The following ARHGEF26 variants were observed in gnomAD, a reference collection of about 807,000 sequenced individuals.
The protein encoded by ARHGEF26 is Rho guanine nucleotide exchange factor (GEF) 26.
A neutral mutation model predicts 89.4 loss-of-function variants in ARHGEF26; 59 were observed. That is an observed-to-expected ratio of 0.66 (90% CI 0.54 to 0.82). The LOEUF is 0.82. ARHGEF26 is among the 40% of genes least tolerant of loss of function. The pLI is 0.00. For synonymous variants in ARHGEF26, 500 were observed against 428.4 expected (o/e 1.17, Z -2.06); for missense variants, 1,234 against 1,085.6 (o/e 1.14, Z -1.92).
chr3:154,121,992 T>C lies in ARHGEF26; in HGVS notation c.-1T>C, dbSNP rs780524621. The C allele has an allele frequency of 1.8e-5, 29 of 1,588,732 alleles. No homozygotes were observed. Among genetic ancestry groups the C allele is most frequent in the Non-Finnish European group, 2.4e-5 (28 of 1,161,546 alleles). ...CCCGGCGCTGACTTCGAGGCCCGGCTATGGACGGCGAGAGCGAGGTGGATT... is the reference window on the plus strand; with the variant it reads ...CCCGGCGCTGACTTCGAGGCCCGGCCATGGACGGCGAGAGCGAGGTGGATT... On this transcript the variant is annotated 5_prime_UTR_variant, in exon 2 of 15. Coordinates refer to ENST00000465093, the MANE Select transcript of ARHGEF26 (RefSeq NM_015595.4).
chr3:154,237,600 TATTC>T (rs1185068841), intron 11 of ARHGEF26, among the ~76,000 whole-genome samples: 1 of 151,956 alleles, frequency 6.6e-6, no homozygotes, highest in Non-Finnish European at 1.5e-5. Flanking sequence ...TATTAGCTTA[TATTC>T]ATTTTCTGTG....
Position 154,255,674 on chromosome 3 carries a change from C to T in ARHGEF26, c.*201C>T. The T allele has an allele frequency of 1.4e-6, 2 of 1,389,502 alleles. No individual in the cohort carries two copies. Among genetic ancestry groups the T allele is most frequent in the Non-Finnish European group, 1.9e-6 (2 of 1,078,490 alleles). 86.1% of individuals were successfully genotyped at this position (1,389,502 alleles called of 1,614,324 possible). A position where few individuals can be genotyped will look rare whatever the true frequency, so the allele number is the denominator to read the frequency against. On this transcript the variant is annotated 3_prime_UTR_variant, in exon 15 of 15. Transcript: ENST00000465093. ...TGAGTTTGCACAGCTCAGTTTTTAC[C>T]TAACCACACACTTGCAGACCTCCTG...
chr3:154,121,315 T>G (rs569605206), upstream of ARHGEF26: 34 of 148,990 alleles, frequency 2.3e-4, no homozygotes, highest in African/African-American at 8.0e-4. Context: ...TGCTTCTGGC[T>G]GCGATGGAGG....
rs767362044 is a variant in ARHGEF26, at chr3:154,253,116, G to A, written c.2301G>A (p.Gln767=). The A allele has an allele frequency of 1.2e-6, 2 of 1,613,972 alleles. No homozygotes were observed. The highest frequency in any genetic ancestry group is 1.7e-5 in the Admixed American group (1 of 60,008). ...KVEMLLGAET[Q]SERARWITAL... is the part of the protein sequence containing the mutation. ...CAGTTGGATCTGCCCTCTGTTTTAG[G>A]AGCGAGCGAGCCCGCTGGATAACTG... The change falls in exon 13 of 15, where the codon CAG becomes CAA. Residue 767 remains glutamine (Q), a splice_region_variant and synonymous_variant. Transcript: ENST00000465093.
chr3:154,254,743 A>T lies in ARHGEF26; in HGVS notation c.2392A>T (p.Arg798Trp). 1 of 1,613,882 alleles carries T rather than the reference A, an allele frequency of 6.2e-7. No homozygotes were observed. The highest frequency in any genetic ancestry group is 8.5e-7 in the Non-Finnish European group (1 of 1,179,826). ...RTSLTQVEIV[R>W]SFTAKQPDEL... ...AGCACTGACCCAGGTGGAAATCGTT[A>T]GGTCATTTACTGCTAAGCAGCCAGA... is the stretch of plus-strand genomic sequence containing the variant. Residue 798 changes from arginine (R) to tryptophan (W), a missense_variant, in exon 14 of 15, where the codon AGG becomes TGG. By Grantham distance (101) the Arg-to-Trp change is moderately radical. Transcript: ENST00000465093.
intron 3 of ARHGEF26, among the ~76,000 whole-genome samples, chr3:154,125,138 GTAGT>G (rs1341904362): frequency 6.6e-6 from 1 of 152,104 alleles, no homozygotes; most frequent in Non-Finnish European, 1.5e-5. Flanking sequence ...GGTAGTGAGG[GTAGT>G]TAAATTTTTG....
chr3:154,175,294 A>G (rs1712738295), intron 6 of ARHGEF26, among the ~76,000 whole-genome samples: 1 of 152,178 alleles, frequency 6.6e-6, no homozygotes, highest in African/African-American at 2.4e-5. Context: ...GAAGCTGCAT[A>G]TTGTAGGCTA....
chr3:154,231,225 TG>T (rs1716805881), intron 11 of ARHGEF26, among the ~76,000 whole-genome samples: 1 of 152,226 alleles, frequency 6.6e-6, no homozygotes, highest in African/African-American at 2.4e-5. Flanking sequence ...GTTTCCTTTT[TG>T]CTCCTTTTTT....
At chr3:154,231,816 C>T (rs1045376165) in intron 11 of ARHGEF26, among the ~76,000 whole-genome samples, 1 of 151,778 alleles carries the variant, frequency 6.6e-6, no homozygotes, top group African/African-American at 2.4e-5. Context: ...CCATGTCAGG[C>T]GGCAAGTGAG....
intron 4 of ARHGEF26, among the ~76,000 whole-genome samples, chr3:154,132,682 A>C (rs1490910276): frequency 6.6e-6 from 1 of 152,142 alleles, no homozygotes; most frequent in Non-Finnish European, 1.5e-5. Flanking sequence ...AGGTCTCAGA[A>C]GACTTTCAAC....
intron 3 of ARHGEF26, among the ~76,000 whole-genome samples, chr3:154,128,582 C>T (rs1337468224): frequency 6.6e-6 from 1 of 152,290 alleles, no homozygotes; most frequent in East Asian, 1.9e-4. Flanking sequence ...TTTCCTTGTA[C>T]TCCAGCCATG....
At chr3:154,231,201 G>C (rs113929108) in intron 11 of ARHGEF26, among the ~76,000 whole-genome samples, 19 of 152,196 alleles carry the variant, frequency 1.2e-4, no homozygotes, top group African/African-American at 4.3e-4. Context: ...GGGTGGAAAA[G>C]AAATGGGAGC....
At chr3:154,132,207 T>C (rs1045673815) in intron 4 of ARHGEF26, among the ~76,000 whole-genome samples, 1 of 152,142 alleles carries the variant, frequency 6.6e-6, no homozygotes. Flanking sequence ...ATAAAGTGCT[T>C]TAAACCCATA....
intron 4 of ARHGEF26, among the ~76,000 whole-genome samples, chr3:154,140,177 G>A (rs1719271029): frequency 6.6e-6 from 1 of 152,176 alleles, no homozygotes; most frequent in Non-Finnish European, 1.5e-5. Context: ...GTATTGATTT[G>A]TTTACATGCA....
intron 6 of ARHGEF26, among the ~76,000 whole-genome samples, chr3:154,176,025 T>C (rs751568338): frequency 3.3e-5 from 5 of 152,212 alleles, no homozygotes; most frequent in Non-Finnish European, 7.3e-5. Context: ...CCAGAGTAGC[T>C]GCTGACAACT....
At chr3:154,158,084 G>A (rs1711501170) in intron 6 of ARHGEF26, among the ~76,000 whole-genome samples, 1 of 152,150 alleles carries the variant, frequency 6.6e-6, no homozygotes, top group Admixed American at 6.5e-5. Context: ...GTGGGGGCCA[G>A]GGTGCCAGGC....
intron 6 of ARHGEF26, among the ~76,000 whole-genome samples, chr3:154,187,379 G>GA: frequency 9.7e-6 from 1 of 103,130 alleles, no homozygotes; most frequent in African/African-American, 3.4e-5. Flanking sequence ...GCAATAACTT[G>GA]ATTTTTTTTT....
chr3:154,223,869 A>G (rs2108257811), intron 10 of ARHGEF26, among the ~76,000 whole-genome samples: 1 of 152,290 alleles, frequency 6.6e-6, no homozygotes, highest in African/African-American at 2.4e-5. Context: ...TTTTATCTCA[A>G]CATTAAAAAA....
chr3:154,203,257 A>G (rs1367581512), intron 9 of ARHGEF26, among the ~76,000 whole-genome samples: 1 of 152,150 alleles, frequency 6.6e-6, no homozygotes, highest in Non-Finnish European at 1.5e-5. Flanking sequence ...TTGAGAAATC[A>G]TATGGTTTTT....
Sources: allele counts gnomAD v4.1 joint callset (sites outside exome capture counted in the v4.1 genomes callset), GRCh38; gene constraint gnomAD v4.1.1; transcripts MANE v1.5; gene names NCBI Gene and HGNC (gene_info 2026-07-23, HGNC 2026-07-21).